The following AUTS2 variants were observed in gnomAD, a reference collection of about 807,000 sequenced individuals.
AUTS2 encodes activator of transcription and developmental regulator AUTS2.
In AUTS2, 17 loss-of-function variants were observed where a neutral mutation model predicts 112.4. The observed-to-expected ratio is 0.15, with a 90% CI of 0.10 to 0.23. The LOEUF (loss-of-function observed/expected upper bound fraction) is 0.23. Ranked by LOEUF, AUTS2 falls within the 10% of genes least tolerant of loss-of-function variation. The pLI is 1.00. For missense variants in AUTS2, 1,510 were observed against 1,701.6 expected (o/e 0.89, Z 1.98); for synonymous variants, 751 against 702.7 (o/e 1.07, Z -1.09).
In AUTS2 at chr7:69,675,451, C is replaced by T. The variant is rs140608323; in HGVS notation, c.309+75489C>T. ...CTCTAGGACTTGATCCTTCTCCACC[C>T]AGCAGAATACTGTACTGTGCTGTGA... On this transcript the variant is annotated intron_variant, in intron 1 of 18. Coordinates refer to ENST00000342771, the MANE Select transcript of AUTS2 (RefSeq NM_015570.4). Among the ~76,000 whole-genome samples, 782 of 151,498 alleles carry T rather than the reference C, an allele frequency of 5.2e-3. 7 individuals carry two copies. Among genetic ancestry groups the T allele is most frequent in the Admixed American group, 0.024 (358 of 15,234 alleles).
intron 1 of AUTS2, among the ~76,000 whole-genome samples, chr7:69,847,030 A>G (rs1792234018): frequency 6.6e-6 from 1 of 152,172 alleles, no homozygotes; most frequent in Admixed American, 6.5e-5. Context: ...CCAGGCTCTT[A>G]ACCTTGAAAT....
intron 1 of AUTS2, among the ~76,000 whole-genome samples, chr7:69,622,013 G>A: frequency 6.6e-6 from 1 of 151,522 alleles, no homozygotes. Context: ...GCCTTCTTTC[G>A]CTATTGTTTG....
At chr7:69,612,545 G>A (rs578027813) in intron 1 of AUTS2, among the ~76,000 whole-genome samples, 3 of 151,810 alleles carry the variant, frequency 2.0e-5, no homozygotes, top group South Asian at 2.1e-4. Flanking sequence ...CTGCAGCCTC[G>A]ACCTCCTGGG....
At chr7:69,897,547 C>G (rs941005688) in intron 1 of AUTS2, among the ~76,000 whole-genome samples, 3 of 150,380 alleles carry the variant, frequency 2.0e-5, no homozygotes, top group African/African-American at 7.4e-5. Flanking sequence ...CCCCCATCTC[C>G]TGGCCAACAT....
At chr7:70,527,359 G>C (rs78071113) in intron 5 of AUTS2, among the ~76,000 whole-genome samples, 1 of 151,928 alleles carries the variant, frequency 6.6e-6, no homozygotes, top group South Asian at 2.1e-4. Flanking sequence ...TTTTTTTGGG[G>C]GGGTTGAACC....
chr7:70,666,480 G>A (rs1180896566), intron 5 of AUTS2, among the ~76,000 whole-genome samples: 1 of 152,166 alleles, frequency 6.6e-6, no homozygotes, highest in African/African-American at 2.4e-5. Flanking sequence ...GGAAGAAGGC[G>A]ACAGTTGGCA....
intron 1 of AUTS2, among the ~76,000 whole-genome samples, chr7:69,771,196 C>T (rs921484771): frequency 2.0e-5 from 3 of 152,192 alleles, no homozygotes; most frequent in Non-Finnish European, 2.9e-5. Context: ...AAGCACCCAG[C>T]GATCTTCCTG....
At chr7:70,456,861 G>A (rs1029039973) in intron 5 of AUTS2, among the ~76,000 whole-genome samples, 5 of 152,192 alleles carry the variant, frequency 3.3e-5, no homozygotes, top group African/African-American at 1.2e-4. Flanking sequence ...GGTGGGCCCT[G>A]GAGTGTGAAG....
In AUTS2 at chr7:70,427,387, A is replaced by G. The variant is rs1795479652; in HGVS notation, c.661-8365A>G. 2.0e-5 allele frequency among the ~76,000 whole-genome samples: 3 copies of G among 152,164 alleles called. No homozygotes were observed. In the South Asian group the frequency reaches 6.2e-4, roughly 31 times the overall value. ...GGACTCTGGGTTTTAAGTAAATTTC[A>G]TCTTTGGGGTTTATGTATATTTATA... On this transcript the variant is annotated intron_variant, in intron 4 of 18. Coordinates refer to ENST00000342771, the MANE Select transcript of AUTS2 (RefSeq NM_015570.4).
At position 70,073,037 on chromosome 7, in the gene AUTS2, TTCCCCTCCCC is replaced by T. The variant is rs796645863; in HGVS notation, c.523-45092_523-45083del. Among the ~76,000 whole-genome samples the T allele has an allele frequency of 5.2e-3, 146 of 28,070 alleles. 2 individuals are homozygous for T. The highest frequency in any genetic ancestry group is 0.017 in the African/African-American group (136 of 8,034). The allele number at this position is 28,070 out of a possible 152,430, so 18.4% of individuals were successfully genotyped here. On this transcript the variant is annotated intron_variant, in intron 2 of 18. Coordinates refer to ENST00000342771, the MANE Select transcript of AUTS2 (RefSeq NM_015570.4). ...TCCCTCTCCCCTCCCCTCCCCTCCC[TTCCCCTCCCC>T]TCTCCTCCCCTCCCTTCCCCTCCCC...
intron 2 of AUTS2, among the ~76,000 whole-genome samples, chr7:70,057,331 G>A (rs1054408698): frequency 2.6e-5 from 4 of 152,162 alleles, no homozygotes; most frequent in African/African-American, 9.7e-5. Flanking sequence ...CATGGAGGAA[G>A]CTGGTAATAC....
rs1196188787 is a variant in AUTS2 at position 70,149,479 on chromosome 7, T to TA, written c.660+14915dup. Among the ~76,000 whole-genome samples the TA allele has an allele frequency of 4.6e-5, 7 of 152,120 alleles. 1 individual carries two copies. Among genetic ancestry groups the TA allele is most frequent in the African/African-American group, 2.4e-5 (1 of 41,544 alleles). On this transcript the variant is annotated intron_variant, in intron 4 of 18. Coordinates refer to ENST00000342771, the MANE Select transcript of AUTS2 (RefSeq NM_015570.4). ...CAAATTAACTAACTTCTATTTCACA[T>TA]AAAAAAACTGGGGGATAGTTACGAT...
chr7:70,354,170 T>A (rs1362966783), intron 4 of AUTS2, among the ~76,000 whole-genome samples: 1 of 152,220 alleles, frequency 6.6e-6, no homozygotes, highest in African/African-American at 2.4e-5. Flanking sequence ...CTTGTGGAGA[T>A]CAGATACAAA....
At chr7:70,075,669 A>G (rs1199471783) in intron 2 of AUTS2, among the ~76,000 whole-genome samples, 2 of 152,200 alleles carry the variant, frequency 1.3e-5, no homozygotes, top group African/African-American at 2.4e-5. Flanking sequence ...TGTACAAATA[A>G]TCAAAAGGTC....
intron 5 of AUTS2, among the ~76,000 whole-genome samples, chr7:70,685,302 G>A (rs112713286): frequency 0.028 from 4,247 of 151,668 alleles, 216 homozygotes; most frequent in African/African-American, 0.096. Context: ...GTGAAATCCC[G>A]CCTCTACTAA....
At chr7:69,752,065 C>A (rs934955746) in intron 1 of AUTS2, among the ~76,000 whole-genome samples, 6 of 152,180 alleles carry the variant, frequency 3.9e-5, no homozygotes, top group African/African-American at 1.4e-4. Context: ...AATCCACCCC[C>A]CGCCCCACAC....
At chr7:69,855,371 C>G (rs1242438626) in intron 1 of AUTS2, among the ~76,000 whole-genome samples, 2 of 152,214 alleles carry the variant, frequency 1.3e-5, no homozygotes, top group African/African-American at 2.4e-5. Flanking sequence ...GTTTGAGCAG[C>G]CTATTCATTT....
chr7:70,638,924 A>G (rs1480960378), intron 5 of AUTS2, among the ~76,000 whole-genome samples: 3 of 152,212 alleles, frequency 2.0e-5, no homozygotes, highest in African/African-American at 4.8e-5. Context: ...TGAGCTCTCT[A>G]TAATGTGTTC....
chr7:70,244,750 C>G (rs553462166), intron 4 of AUTS2, among the ~76,000 whole-genome samples: 2 of 152,108 alleles, frequency 1.3e-5, no homozygotes, highest in Admixed American at 1.3e-4. Context: ...GATAAATTTT[C>G]GGTGAAAGGG....
Sources: gnomAD v4.1 joint callset for allele counts (sites outside exome capture counted in the v4.1 genomes callset) on GRCh38, gnomAD v4.1.1 for gene constraint, MANE v1.5 for transcripts, NCBI Gene and HGNC (gene_info 2026-07-23, HGNC 2026-07-21) for gene names.